The following PIP4K2A variants were observed in gnomAD, a reference collection of about 807,000 sequenced individuals.
PIP4K2A encodes phosphatidylinositol 5-phosphate 4-kinase type-2 alpha.
Under a neutral mutation model 42.9 loss-of-function variants are expected in PIP4K2A, and 14 were observed. The ratio of observed to expected loss-of-function variants is 0.33; its 90% CI spans 0.22 to 0.51. PIP4K2A has a LOEUF of 0.51. Ranked by LOEUF, PIP4K2A falls within the 20% of genes least tolerant of loss-of-function variation. PIP4K2A has a pLI of 0.97. For missense variants in PIP4K2A, 434 were observed against 519.8 expected, an observed-to-expected ratio of 0.83 and a Z score of 1.61; for synonymous variants, 192 against 192.2, an observed-to-expected ratio of 1.00 and a Z score of 0.01.
intron 1 of PIP4K2A, among the ~76,000 whole-genome samples, chr10:22,677,355 A>G (rs557896736): frequency 1.1e-4 from 16 of 152,182 alleles, no homozygotes; most frequent in Non-Finnish European, 1.8e-4. Context: ...GTTTTAAAGG[A>G]AAGAAAGGAG....
chr10:22,591,900 G>A, intron 3 of PIP4K2A, 119 bp from the exon 4 acceptor site: 2 of 830,508 alleles, frequency 2.4e-6, no homozygotes, highest in Middle Eastern at 3.7e-4. Context: ...TTTGTGTGTG[G>A]GATAAATTGA....
chr10:22,667,368 A>C lies in PIP4K2A; in HGVS notation c.144+46815T>G, dbSNP rs1416063946. Among the ~76,000 whole-genome samples, 3 of 139,412 alleles carry C rather than the reference A, an allele frequency of 2.2e-5. No individual in the cohort carries two copies. In the East Asian group the frequency reaches 5.8e-4, roughly 27 times the overall value. The allele number at this position is 139,412 out of a possible 152,430, so 91.5% of individuals were successfully genotyped here. On this transcript the variant is annotated intron_variant, in intron 1 of 9. Coordinates refer to ENST00000376573, the MANE Select transcript of PIP4K2A (RefSeq NM_005028.5). ...AGCACGTTAAGTCTTGAAATATTAC[A>C]TAATTTTTTATGAATACCAAATTAG...
chr10:22,539,884 CAG>C lies in PIP4K2A; in HGVS notation c.1140+85_1140+86del. On this transcript the variant is annotated intron_variant, in intron 9 of 9. Transcript: ENST00000376573. ...TGAGTTACAGGTCACACAGAGGAGC[CAG>C]GAGAGAGAGAGAGAGAGAGAGAGAG... 6.6e-6 allele frequency: 5 copies of C among 755,776 alleles called. No homozygotes were observed. The South Asian group carries it at 7.2e-5, about 11-fold the overall frequency. The allele number at this position is 755,776 out of a possible 1,614,324, so 46.8% of individuals were successfully genotyped here.
In PIP4K2A at chr10:22,705,426, TAAAAAAAAA is replaced by T. The variant is rs150254345; in HGVS notation, c.144+8748_144+8756del. 4.4e-3 allele frequency among the ~76,000 whole-genome samples: 128 copies of T among 29,266 alleles called. 2 individuals are homozygous for T. The highest frequency in any genetic ancestry group is 0.018 in the African/African-American group (120 of 6,578). 19.2% of individuals were successfully genotyped at this position (29,266 alleles called of 152,430 possible). On this transcript the variant is annotated intron_variant, in intron 1 of 9. Coordinates refer to ENST00000376573, the MANE Select transcript of PIP4K2A (RefSeq NM_005028.5). ...TACGTATTATATTCAGTACCCCAGT[TAAAAAAAAA>T]AAAAAAAAAAAAAAAAAAAAAAAAA...
At chr10:22,627,588 T>TAAAAAAAAAAAAAAAAAAAAAA (rs1564448260) in intron 1 of PIP4K2A, among the ~76,000 whole-genome samples, 2 of 38,924 alleles carry the variant, frequency 5.1e-5, no homozygotes, top group African/African-American at 7.3e-5. Context: ...AGCTAATATG[T>TAAAAAAAAAAAAAAAAAAAAAA]AATAAAAAAA....
chr10:22,615,338 C>T (rs1838152615), intron 1 of PIP4K2A, among the ~76,000 whole-genome samples: 2 of 152,216 alleles, frequency 1.3e-5, no homozygotes, highest in Non-Finnish European at 2.9e-5. Flanking sequence ...ATCCTCTTGC[C>T]TCAGCCTCTC....
In PIP4K2A at chr10:22,541,877, C is replaced by G. The variant is rs1208925371; in HGVS notation, c.963G>C (p.Leu321=). ...CGGGAGCCAGGGGTGGTGAGCTGTT[C>G]AGTGTATTCCCGGGGCTATCTGGGG... ...GTPPDSPGNT[L]NSSPPLAPGE... Residue 321 remains leucine, a synonymous_variant, in exon 8 of 10, where the codon CTG becomes CTC. Transcript: ENST00000376573. The G allele has an allele frequency of 6.2e-7, 1 of 1,612,104 alleles. No homozygotes were observed.
intron 3 of PIP4K2A, among the ~76,000 whole-genome samples, chr10:22,606,360 T>C (rs1837907031): frequency 6.6e-6 from 1 of 152,042 alleles, no homozygotes; most frequent in African/African-American, 2.4e-5. Flanking sequence ...CCACGCAGTT[T>C]TAATAGCAGA....
intron 1 of PIP4K2A, among the ~76,000 whole-genome samples, chr10:22,650,208 A>T (rs2798980): frequency 0.028 from 4,232 of 152,270 alleles, 79 homozygotes; most frequent in Non-Finnish European, 0.039. Context: ...GGTATTTACA[A>T]GCAGGTGTGA....
intron 1 of PIP4K2A, among the ~76,000 whole-genome samples, chr10:22,711,566 A>T (rs146864087): frequency 6.6e-6 from 1 of 152,376 alleles, no homozygotes; most frequent in African/African-American, 2.4e-5. Context: ...CACAGATGCA[A>T]ACACTGATGC....
At chr10:22,702,970 T>C (rs1166613252) in intron 1 of PIP4K2A, among the ~76,000 whole-genome samples, 2 of 152,216 alleles carry the variant, frequency 1.3e-5, no homozygotes, top group Non-Finnish European at 2.9e-5. Context: ...CAACTCAGTT[T>C]CAAACAGTGT....
At chr10:22,649,403 G>A (rs889017063) in intron 1 of PIP4K2A, among the ~76,000 whole-genome samples, 1 of 152,208 alleles carries the variant, frequency 6.6e-6, no homozygotes, top group Non-Finnish European at 1.5e-5. Context: ...AAAGGGCTGA[G>A]TGAGTGGAGT....
chr10:22,550,885 G>A (rs1350751277), intron 6 of PIP4K2A, 113 bp from the exon 7 acceptor site: 4 of 695,446 alleles, frequency 5.8e-6, no homozygotes, highest in Admixed American at 4.7e-5. Flanking sequence ...CCCCCACCCC[G>A]TTCACCACCA....
chr10:22,686,154 C>A (rs1319313770), intron 1 of PIP4K2A, among the ~76,000 whole-genome samples: 3 of 152,136 alleles, frequency 2.0e-5, no homozygotes, highest in Non-Finnish European at 4.4e-5. Context: ...ACATGCTGAA[C>A]CGGCACATTT....
At chr10:22,686,905 G>A (rs559582660) in intron 1 of PIP4K2A, among the ~76,000 whole-genome samples, 8 of 152,258 alleles carry the variant, frequency 5.3e-5, no homozygotes, top group South Asian at 2.1e-4. Flanking sequence ...CGCCAGAAGC[G>A]CATTTAGGGC....
chr10:22,628,801 C>A (rs762988804), intron 1 of PIP4K2A, among the ~76,000 whole-genome samples: 37 of 152,270 alleles, frequency 2.4e-4, no homozygotes, highest in South Asian at 1.9e-3. Context: ...GCAGATGAAG[C>A]CTTCAGGTAG....
chr10:22,664,154 CATATAT>C (rs66781717), intron 1 of PIP4K2A, among the ~76,000 whole-genome samples: 1 of 62,312 alleles, frequency 1.6e-5, no homozygotes, highest in East Asian at 3.4e-4. Flanking sequence ...TATATATACA[CATATAT>C]ATATATACAT....
rs140452263 is a variant in PIP4K2A, at chr10:22,541,835, G to A, written c.1005C>T (p.Asn335=). The A allele has an allele frequency of 8.4e-5, 133 of 1,577,510 alleles. No individual in the cohort carries two copies. The African/African-American group carries it at 1.7e-3, about 20-fold the overall frequency. The stretch of plus-strand genomic sequence containing the variant: ...GGCACTTAATTCCATAGACGTCGAT[G>A]TTCGGATCGAACTCCCCGGGAGCCA... ...PPLAPGEFDP[N]IDVYGIKCHE... is the part of the protein sequence containing the mutation. The change falls in exon 8 of 10, where the codon AAC becomes AAT. Residue 335 remains asparagine (N), a synonymous_variant. Coordinates refer to ENST00000376573, the MANE Select transcript of PIP4K2A (RefSeq NM_005028.5).
intron 1 of PIP4K2A, among the ~76,000 whole-genome samples, chr10:22,620,266 GAC>G (rs562087819): frequency 2.1e-3 from 316 of 152,308 alleles, no homozygotes; most frequent in African/African-American, 7.5e-3. Flanking sequence ...CACAGAATCT[GAC>G]ATAAAACTAC....
Sources: gnomAD v4.1 joint callset for allele counts (sites outside exome capture counted in the v4.1 genomes callset) on GRCh38, gnomAD v4.1.1 for gene constraint, MANE v1.5 for transcripts, NCBI Gene and HGNC (gene_info 2026-07-23, HGNC 2026-07-21) for gene names.